PCDHGA2: variants seen among roughly 807,000 people sequenced by gnomAD.
PCDHGA2 encodes the protein protocadherin gamma subfamily A, 2.
Under a neutral mutation model 59.2 loss-of-function variants are expected in PCDHGA2, and 40 were observed. That is an observed-to-expected ratio of 0.68 (90% CI 0.52 to 0.88). The LOEUF (loss-of-function observed/expected upper bound fraction) is 0.88. PCDHGA2 is among the 40% of genes least tolerant of loss of function. The probability of loss-of-function intolerance (pLI) is 0.00; values close to 1 mark genes in which losing one functional copy is unlikely to be tolerated. For synonymous variants in PCDHGA2, 560 were observed against 526.0 expected, an observed-to-expected ratio of 1.06 and a Z score of -0.89; for missense variants, 1,226 against 1,204.0, an observed-to-expected ratio of 1.02 and a Z score of -0.27.
intron 1 of PCDHGA2, chr5:141,433,178 A>G: frequency 6.2e-7 from 1 of 1,608,316 alleles, no homozygotes. Context: ...TCATGGGTTA[A>G]TTGAGGTGAG....
intron 1 of PCDHGA2, chr5:141,421,325 G>A: frequency 6.2e-7 from 1 of 1,613,906 alleles, no homozygotes; most frequent in Non-Finnish European, 8.5e-7. Context: ...AGGCAGATCC[G>A]ATATTCGGTG....
rs543366398 is a variant in PCDHGA2 at position 141,390,062 on chromosome 5, G to A, written c.2424+48667G>A. On this transcript the variant is annotated intron_variant, in intron 1 of 3. Coordinates refer to ENST00000394576, the MANE Select transcript of PCDHGA2 (RefSeq NM_018915.4). ...GCCCCGCCTCCTGGAGCTGCTTCCAGCCTGGTCTCTGTGTTAAATCCGAAT... is the reference window on the plus strand; with the variant it reads ...GCCCCGCCTCCTGGAGCTGCTTCCAACCTGGTCTCTGTGTTAAATCCGAAT... 101 of 1,614,064 alleles carry A rather than the reference G, an allele frequency of 6.3e-5. 1 individual carries two copies. The Admixed American group carries it at 8.2e-4, about 13-fold the overall frequency.
chr5:141,454,101 A>T (rs2098781558), intron 1 of PCDHGA2, among the ~76,000 whole-genome samples: 1 of 152,256 alleles, frequency 6.6e-6, no homozygotes. Flanking sequence ...ATTGAACATA[A>T]ATGGAGTTAT....
At position 141,351,605 on chromosome 5, in the gene PCDHGA2, C is replaced by T. The variant is rs373905921; in HGVS notation, c.2424+10210C>T. ...CATCAACGACAATGCACCTGTTTTC[C>T]ATCAGGCCTCCTATGTGGTCCACGT... On this transcript the variant is annotated intron_variant, in intron 1 of 3. Transcript: ENST00000394576. The T allele has an allele frequency of 8.1e-5, 130 of 1,613,938 alleles. No individual in the cohort carries two copies. The highest frequency in any genetic ancestry group is 1.1e-4 in the Non-Finnish European group (127 of 1,179,904).
chr5:141,341,105 C>T lies in PCDHGA2; in HGVS notation c.2134C>T (p.Leu712=), dbSNP rs760152915. 3 of 1,614,244 alleles carry T rather than the reference C, an allele frequency of 1.9e-6. No individual in the cohort carries two copies. Among genetic ancestry groups the T allele is most frequent in the Admixed American group, 3.3e-5 (2 of 60,036 alleles). Residue 712 remains leucine, a synonymous_variant, in exon 1 of 4, where the codon CTG becomes TTG. Coordinates refer to ENST00000394576, the MANE Select transcript of PCDHGA2 (RefSeq NM_018915.4). ...CVFLAFVIVL[L]AHRLRRWHKS... is the part of the protein sequence containing the mutation. Reference sequence around the variant, plus strand: ...CTTCCTGGCCTTCGTCATCGTGTTGCTGGCGCACAGGCTGCGGCGCTGGCA... The same window carrying T: ...CTTCCTGGCCTTCGTCATCGTGTTGTTGGCGCACAGGCTGCGGCGCTGGCA...
At chr5:141,506,164 G>A (rs959032250) in intron 3 of PCDHGA2, among the ~76,000 whole-genome samples, 17 of 152,140 alleles carry the variant, frequency 1.1e-4, no homozygotes, top group Non-Finnish European at 2.4e-4. Context: ...TAAGAGCACA[G>A]CCTAAGCTGG....
chr5:141,391,873 T>G (rs1023590638), intron 1 of PCDHGA2: 2 of 152,216 alleles, frequency 1.3e-5, no homozygotes, highest in African/African-American at 4.8e-5. Flanking sequence ...TAATCATCTC[T>G]TTGGTGAAAG....
At chr5:141,440,838 C>A (rs2098204954) in intron 1 of PCDHGA2, 1 of 152,102 alleles carries the variant, frequency 6.6e-6, no homozygotes, top group African/African-American at 2.4e-5. Context: ...TTGGTTGAAG[C>A]CAATGACAAC....
At chr5:141,372,562 C>G in intron 1 of PCDHGA2, 1 of 1,614,054 alleles carries the variant, frequency 6.2e-7, no homozygotes. Context: ...AGACCCGCCA[C>G]TGAGGGCTAC....
intron 2 of PCDHGA2, among the ~76,000 whole-genome samples, chr5:141,500,682 G>A (rs1661676761): frequency 6.6e-6 from 1 of 152,044 alleles, no homozygotes; most frequent in African/African-American, 2.4e-5. Context: ...CAGAATTATA[G>A]CTTTTTTCTT....
intron 1 of PCDHGA2, chr5:141,404,536 G>A: frequency 6.2e-7 from 1 of 1,613,922 alleles, no homozygotes; most frequent in Non-Finnish European, 8.5e-7. Flanking sequence ...TTAGAGATTT[G>A]CAAATGCAGG....
rs980109158 is a variant in PCDHGA2 at position 141,375,279 on chromosome 5, G to A, written c.2424+33884G>A. On this transcript the variant is annotated intron_variant, in intron 1 of 3. Transcript: ENST00000394576. ...CCATTTGAATTGGAAAAATCAGTTG[G>A]CAATTATTATCGATTAGTGACAAAT... is the stretch of plus-strand genomic sequence containing the variant. 18 of 1,613,688 alleles carry A rather than the reference G, an allele frequency of 1.1e-5. No individual in the cohort carries two copies. The highest frequency in any genetic ancestry group is 4.2e-6 in the Non-Finnish European group (5 of 1,179,904).
At chr5:141,421,025 A>C (rs1047305594) in intron 1 of PCDHGA2, 4 of 526,168 alleles carry the variant, frequency 7.6e-6, no homozygotes, top group African/African-American at 5.9e-5. Context: ...GCTGCGCGCC[A>C]TTGAGTCCCT....
chr5:141,497,122 G>A (rs1407489807), intron 2 of PCDHGA2, among the ~76,000 whole-genome samples: 1 of 151,992 alleles, frequency 6.6e-6, no homozygotes, highest in East Asian at 1.9e-4. Flanking sequence ...GAAGGCAGAG[G>A]TTGCAGTGAG....
chr5:141,364,428 A>G (rs1358594302), intron 1 of PCDHGA2: 1 of 1,613,750 alleles, frequency 6.2e-7, no homozygotes, highest in South Asian at 1.1e-5. Flanking sequence ...CAGATCCGCT[A>G]CTCGATGCCG....
Position 141,341,195 on chromosome 5 carries a change from G to T in PCDHGA2, c.2224G>T (p.Gly742Cys). The change falls in exon 1 of 4, where the codon GGC becomes TGC. Residue 742 changes from glycine (G) to cysteine (C), a missense_variant. Coordinates refer to ENST00000394576, the MANE Select transcript of PCDHGA2 (RefSeq NM_018915.4). ...AGGCATGCAGAGCTCGCACTTTGTG[G>T]GCGTGGACGGGGTTCGGGCTTTCCT... ...LTGMQSSHFV[G>C]VDGVRAFLQT... The T allele has an allele frequency of 1.2e-6, 2 of 1,614,222 alleles. No individual in the cohort carries two copies. The highest frequency in any genetic ancestry group is 1.7e-6 in the Non-Finnish European group (2 of 1,180,044).
chr5:141,381,768 C>T (rs1777418616), intron 1 of PCDHGA2, among the ~76,000 whole-genome samples: 1 of 150,172 alleles, frequency 6.7e-6, no homozygotes, highest in Non-Finnish European at 1.5e-5. Context: ...ACTATATAAT[C>T]AATAATCAGG....
chr5:141,361,729 C>G (rs1762153939), intron 1 of PCDHGA2: 1 of 1,613,138 alleles, frequency 6.2e-7, no homozygotes, highest in Non-Finnish European at 8.5e-7. Flanking sequence ...CGAGCTCACA[C>G]TGCAGGCCCG....
intron 1 of PCDHGA2, among the ~76,000 whole-genome samples, chr5:141,437,980 C>T (rs1198278358): frequency 1.3e-5 from 2 of 152,050 alleles, no homozygotes; most frequent in Non-Finnish European, 2.9e-5. Flanking sequence ...TTGGGATGCA[C>T]CCACCCCACC....
Sources: allele counts gnomAD v4.1 joint callset (sites outside exome capture counted in the v4.1 genomes callset), GRCh38; gene constraint gnomAD v4.1.1; transcripts MANE v1.5; gene names NCBI Gene and HGNC (gene_info 2026-07-23, HGNC 2026-07-21).